Variants in FRMPD4 observed in about 807,000 individuals in gnomAD.
FRMPD4 encodes the protein FERM and PDZ domain containing 4.
In FRMPD4, 22 loss-of-function variants were observed where a neutral mutation model predicts 94.1. The ratio of observed to expected loss-of-function variants is 0.23; its 90% CI spans 0.17 to 0.33. The LOEUF is 0.33. Among genes scored for constraint, FRMPD4 ranks in the 10% least tolerant of loss-of-function variants. The probability of loss-of-function intolerance (pLI) is 1.00; values close to 1 mark genes in which losing one functional copy is unlikely to be tolerated. For synonymous variants in FRMPD4, 631 were observed against 548.6 expected (o/e 1.15, Z -2.10); for missense variants, 1,111 against 1,339.9 (o/e 0.83, Z 2.67).
chrX:12,182,166 G>A (rs1401961602), intron 1 of FRMPD4, among the ~76,000 whole-genome samples: 2 of 111,575 alleles, frequency 1.8e-5, no homozygotes, highest in African/African-American at 3.3e-5. Context: ...GTTACCTGAA[G>A]AAGAGAAAAT....
At chrX:11,958,858 T>G (rs2054269620) in intron 3 of FRMPD4, among the ~76,000 whole-genome samples, 1 of 112,270 alleles carries the variant, frequency 8.9e-6, no homozygotes, top group Admixed American at 9.5e-5. Context: ...AGAATCACTT[T>G]AGAAAGATGC....
intron 2 of FRMPD4, among the ~76,000 whole-genome samples, chrX:12,501,860 C>T (rs1419877502): frequency 3.6e-5 from 4 of 111,384 alleles, no homozygotes; most frequent in African/African-American, 1.3e-4. Flanking sequence ...CAGGAGAGTT[C>T]AAAATGTGCT....
At chrX:12,009,732 G>A (rs751303927) in intron 3 of FRMPD4, among the ~76,000 whole-genome samples, 2 of 112,011 alleles carry the variant, frequency 1.8e-5, no homozygotes, top group South Asian at 7.5e-4. Context: ...AACTGTCTTT[G>A]TAAGGAGGAC....
intron 1 of FRMPD4, among the ~76,000 whole-genome samples, chrX:12,209,510 G>A (rs1978109): frequency 0.48 from 53,327 of 110,664 alleles, 9,182 homozygotes; most frequent in Non-Finnish European, 0.53. Flanking sequence ...TTATATATCC[G>A]TTACATAGAC....
At chrX:12,286,676 T>G (rs969984655) in intron 1 of FRMPD4, among the ~76,000 whole-genome samples, 1 of 112,023 alleles carries the variant, frequency 8.9e-6, no homozygotes, top group African/African-American at 3.2e-5. Flanking sequence ...ATGAATTATA[T>G]CTTATGATAG....
intron 3 of FRMPD4, among the ~76,000 whole-genome samples, chrX:11,989,554 GA>G (rs764986244): frequency 1.4e-4 from 16 of 110,749 alleles, no homozygotes; most frequent in Non-Finnish European, 2.5e-4. Context: ...AAAATAGAAA[GA>G]ATGAATAAGG....
At chrX:12,170,075 G>T (rs1458905746) in intron 1 of FRMPD4, among the ~76,000 whole-genome samples, 4 of 111,233 alleles carry the variant, frequency 3.6e-5, no homozygotes, top group Non-Finnish European at 7.5e-5. Flanking sequence ...ATACAGCATT[G>T]CTTGAATGAG....
At chrX:12,359,584 C>T (rs1474857652) in intron 1 of FRMPD4, among the ~76,000 whole-genome samples, 1 of 109,508 alleles carries the variant, frequency 9.1e-6, no homozygotes, top group African/African-American at 3.3e-5. Context: ...TCTCCTGCCT[C>T]AGCCTCCCGA....
intron 10 of FRMPD4, 69 bp downstream of exon 10, chrX:12,702,079 G>C: frequency 9.5e-7 from 1 of 1,054,930 alleles, no homozygotes; most frequent in Non-Finnish European, 1.3e-6. Flanking sequence ...GTGTATTTTT[G>C]TTATTTGTCC....
At chrX:12,658,852 G>C (rs1197549600) in intron 4 of FRMPD4, among the ~76,000 whole-genome samples, 1 of 112,055 alleles carries the variant, frequency 8.9e-6, no homozygotes, top group Non-Finnish European at 1.9e-5. Context: ...TGCTGCCTTA[G>C]CCCTTAACTG....
intron 1 of FRMPD4, among the ~76,000 whole-genome samples, chrX:12,365,476 T>C (rs1382806232): frequency 9.0e-6 from 1 of 111,703 alleles, no homozygotes; most frequent in Non-Finnish European, 1.9e-5. Flanking sequence ...AGTTTTGAAG[T>C]AGTGAGCTTA....
At chrX:12,447,394 C>T (rs2057210938) in intron 1 of FRMPD4, among the ~76,000 whole-genome samples, 1 of 111,906 alleles carries the variant, frequency 8.9e-6, no homozygotes, top group Admixed American at 9.5e-5. Context: ...AAGGGCAAGT[C>T]CCCCTCATTA....
chrX:12,009,584 A>G (rs1989859), intron 3 of FRMPD4, among the ~76,000 whole-genome samples: 9,095 of 112,181 alleles, frequency 0.081, 336 homozygotes, highest in East Asian at 0.24. Context: ...CTGAGCAGAT[A>G]ATGGACTTGA....
chrX:12,272,794 G>A (rs1419067389), intron 1 of FRMPD4, among the ~76,000 whole-genome samples: 1 of 111,850 alleles, frequency 8.9e-6, no homozygotes, highest in Non-Finnish European at 1.9e-5. Context: ...AAAAGGCTGC[G>A]TGTGGTGGCT....
intron 3 of FRMPD4, among the ~76,000 whole-genome samples, chrX:11,949,225 G>A (rs1341760395): frequency 8.9e-6 from 1 of 112,031 alleles, no homozygotes; most frequent in African/African-American, 3.2e-5. Context: ...TTGGCTCAGT[G>A]TGGATTTAGG....
At chrX:12,353,956 T>C (rs1388248715) in intron 1 of FRMPD4, among the ~76,000 whole-genome samples, 1 of 112,078 alleles carries the variant, frequency 8.9e-6, no homozygotes, top group Non-Finnish European at 1.9e-5. Context: ...GTATTATCCT[T>C]ACTTTTCACA....
At chrX:12,128,132 T>G (rs756926109) in intron 3 of FRMPD4, among the ~76,000 whole-genome samples, 92 of 112,972 alleles carry the variant, frequency 8.1e-4, no homozygotes, top group Non-Finnish European at 1.3e-3. Flanking sequence ...GGTGGCCTTC[T>G]TCTCACAGCT....
At chrX:12,555,069 G>A (rs1322112365) in intron 2 of FRMPD4, among the ~76,000 whole-genome samples, 1 of 111,839 alleles carries the variant, frequency 8.9e-6, no homozygotes, top group African/African-American at 3.2e-5. Flanking sequence ...ACTACATTCA[G>A]AATAGCCACC....
chrX:12,059,544 G>A (rs1363299726), intron 3 of FRMPD4, among the ~76,000 whole-genome samples: 1 of 110,160 alleles, frequency 9.1e-6, no homozygotes, highest in Non-Finnish European at 1.9e-5. Context: ...GATGAGGTTT[G>A]GGGTACGAAT....
Sources: allele counts gnomAD v4.1 joint callset (sites outside exome capture counted in the v4.1 genomes callset), GRCh38; gene constraint gnomAD v4.1.1; transcripts MANE v1.5; gene names NCBI Gene and HGNC (gene_info 2026-07-23, HGNC 2026-07-21).